Variants in SLC9C2 observed in about 807,000 individuals in gnomAD.
The protein encoded by SLC9C2 is solute carrier family 9 member C2 (putative), also known as sodium/hydrogen exchanger 11.
SLC9C2 carries 75 observed loss-of-function variants against 140.2 expected under a neutral mutation model. That is an observed-to-expected ratio of 0.53 (90% CI 0.44 to 0.65). The LOEUF is 0.65. SLC9C2 is among the 30% of genes least tolerant of loss of function. SLC9C2 has a pLI of 0.00. For missense variants in SLC9C2, 1,074 were observed against 1,331.8 expected, an observed-to-expected ratio of 0.81 and a Z score of 3.01; for synonymous variants, 375 against 420.9, an observed-to-expected ratio of 0.89 and a Z score of 1.34.
At chr1:173,532,013 C>T (rs1201978879) in intron 17 of SLC9C2, among the ~76,000 whole-genome samples, 1 of 152,160 alleles carries the variant, frequency 6.6e-6, no homozygotes, top group East Asian at 1.9e-4. Context: ...GCAAAAAGCA[C>T]ATTGAATCAA....
intron 4 of SLC9C2, among the ~76,000 whole-genome samples, chr1:173,597,553 A>G (rs1366329300): frequency 1.3e-5 from 2 of 152,184 alleles, no homozygotes; most frequent in Non-Finnish European, 2.9e-5. Context: ...AAATGGGCAA[A>G]TCTACAGAAA....
At chr1:173,514,465 A>T (rs1278829985) in intron 23 of SLC9C2, among the ~76,000 whole-genome samples, 1 of 151,960 alleles carries the variant, frequency 6.6e-6, no homozygotes, top group Admixed American at 6.6e-5. Flanking sequence ...AGAGACTAGT[A>T]TTTCAACCCC....
At chr1:173,584,930 C>T (rs1665762418) in intron 5 of SLC9C2, among the ~76,000 whole-genome samples, 1 of 151,976 alleles carries the variant, frequency 6.6e-6, no homozygotes, top group African/African-American at 2.4e-5. Context: ...TTAATGTGGA[C>T]CTAATTTATA....
intron 23 of SLC9C2, 96 bp downstream of exon 23, chr1:173,517,441 T>C: frequency 8.2e-7 from 1 of 1,217,354 alleles, no homozygotes; most frequent in African/African-American, 1.6e-5. Flanking sequence ...GCTGGTTGGG[T>C]GACTAAGATG....
At chr1:173,531,952 C>T (rs552210521) in intron 17 of SLC9C2, among the ~76,000 whole-genome samples, 20 of 152,200 alleles carry the variant, frequency 1.3e-4, no homozygotes, top group Non-Finnish European at 1.0e-4. Flanking sequence ...GTTTACATGA[C>T]GGTGGAGTTA....
intron 25 of SLC9C2, 130 bp downstream of exon 25, chr1:173,506,726 T>A: frequency 1.4e-6 from 1 of 733,922 alleles, no homozygotes. Context: ...TTTTACTGTT[T>A]GTAAAAGGCA....
intron 27 of SLC9C2, among the ~76,000 whole-genome samples, chr1:173,502,592 C>T (rs967225040): frequency 2.0e-5 from 3 of 152,116 alleles, no homozygotes; most frequent in South Asian, 2.1e-4. Flanking sequence ...CAACTCTAGG[C>T]GTGACTTCCA....
At chr1:173,568,658 G>A (rs958344403) in intron 9 of SLC9C2, among the ~76,000 whole-genome samples, 3 of 152,148 alleles carry the variant, frequency 2.0e-5, no homozygotes, top group Admixed American at 2.0e-4. Flanking sequence ...TAATGAGATT[G>A]CTGGGCCAAA....
At chr1:173,599,883 C>T (rs1035480380) in intron 3 of SLC9C2, among the ~76,000 whole-genome samples, 5 of 152,120 alleles carry the variant, frequency 3.3e-5, no homozygotes, top group Non-Finnish European at 7.4e-5. Flanking sequence ...GGATAACAAC[C>T]GTCAGCCACC....
intron 13 of SLC9C2, among the ~76,000 whole-genome samples, chr1:173,541,607 A>C (rs1320716718): frequency 6.6e-6 from 1 of 152,234 alleles, no homozygotes; most frequent in African/African-American, 2.4e-5. Context: ...ACATAGTTGG[A>C]AGTAAAGCAC....
intron 24 of SLC9C2, among the ~76,000 whole-genome samples, chr1:173,508,069 T>G (rs1393893405): frequency 6.6e-6 from 1 of 151,948 alleles, no homozygotes; most frequent in Non-Finnish European, 1.5e-5. Flanking sequence ...CACTGACAGG[T>G]GAATCATACA....
At chr1:173,513,337 C>G (rs564159520) in intron 23 of SLC9C2, among the ~76,000 whole-genome samples, 1 of 152,274 alleles carries the variant, frequency 6.6e-6, no homozygotes, top group African/African-American at 2.4e-5. Context: ...GCTTCAATTT[C>G]AGAACTAATT....
chr1:173,569,422 G>A (rs1277991017), intron 9 of SLC9C2, among the ~76,000 whole-genome samples: 1 of 151,830 alleles, frequency 6.6e-6, no homozygotes, highest in Non-Finnish European at 1.5e-5. Flanking sequence ...AATGCCTTGA[G>A]GTAGCCTTCT....
intron 21 of SLC9C2, among the ~76,000 whole-genome samples, chr1:173,523,621 G>T (rs1660983912): frequency 6.6e-6 from 1 of 152,116 alleles, no homozygotes; most frequent in African/African-American, 2.4e-5. Flanking sequence ...TACACTATCT[G>T]CCCGGTCTGT....
chr1:173,536,622 A>T (rs1010833955), intron 14 of SLC9C2, among the ~76,000 whole-genome samples: 1 of 152,196 alleles, frequency 6.6e-6, no homozygotes, highest in Non-Finnish European at 1.5e-5. Context: ...AATAATTATA[A>T]TAGTTATTGA....
At chr1:173,507,531 C>CACACA (rs58997999) in intron 24 of SLC9C2, among the ~76,000 whole-genome samples, 1 of 151,656 alleles carries the variant, frequency 6.6e-6, no homozygotes, top group East Asian at 2.0e-4. Context: ...CACACACACA[C>CACACA]CACCTCCCAC....
chr1:173,598,072 A>G (rs767199318), intron 3 of SLC9C2, 40 bp from the exon 4 acceptor site: 1 of 1,546,384 alleles, frequency 6.5e-7, no homozygotes, highest in South Asian at 1.2e-5. Flanking sequence ...GTTTGCTACC[A>G]TTTCCAAGTA....
intron 23 of SLC9C2, among the ~76,000 whole-genome samples, chr1:173,517,071 T>C (rs1307269750): frequency 6.6e-6 from 1 of 152,226 alleles, no homozygotes; most frequent in Non-Finnish European, 1.5e-5. Flanking sequence ...ATCAGTTATG[T>C]TGAGCTTTTT....
chr1:173,585,631 A>G (rs1237524497), intron 5 of SLC9C2, among the ~76,000 whole-genome samples: 1 of 152,192 alleles, frequency 6.6e-6, no homozygotes, highest in Non-Finnish European at 1.5e-5. Flanking sequence ...TATAAAAATT[A>G]AGAGCCAACC....
Sources: allele counts gnomAD v4.1 joint callset (sites outside exome capture counted in the v4.1 genomes callset), GRCh38; gene constraint gnomAD v4.1.1; transcripts MANE v1.5; gene names NCBI Gene and HGNC (gene_info 2026-07-23, HGNC 2026-07-21).